The following SCMH1 variants were observed in gnomAD, a reference collection of about 807,000 sequenced individuals.
SCMH1 encodes polycomb protein SCMH1.
SCMH1 carries 37 observed loss-of-function variants against 70.8 expected under a neutral mutation model. The observed-to-expected ratio is 0.52, with a 90% CI of 0.40 to 0.69. The LOEUF (loss-of-function observed/expected upper bound fraction) is 0.69, where lower values mean the gene tolerates loss of function less well. Among genes scored for constraint, SCMH1 ranks in the 30% least tolerant of loss-of-function variants. SCMH1 has a pLI of 0.00. For missense variants in SCMH1, 607 were observed against 827.3 expected, an observed-to-expected ratio of 0.73 and a Z score of 3.27; for synonymous variants, 292 against 307.4, an observed-to-expected ratio of 0.95 and a Z score of 0.52.
intron 1 of SCMH1, among the ~76,000 whole-genome samples, chr1:41,230,008 A>C (rs1392552531): frequency 6.6e-6 from 1 of 152,150 alleles, no homozygotes; most frequent in Non-Finnish European, 1.5e-5. Flanking sequence ...ATGAAATGGG[A>C]GCCAATGTAA....
intron 13 of SCMH1, 151 bp downstream of exon 14, chr1:41,033,832 G>A (rs183644890): frequency 9.7e-6 from 10 of 1,027,360 alleles, no homozygotes; most frequent in Non-Finnish European, 1.4e-5. Flanking sequence ...CTGGCAGACA[G>A]ACTCATGGTG....
chr1:41,160,989 G>C (rs908374698), intron 3 of SCMH1, 91 bp from the exon 4 acceptor site: 15 of 1,266,960 alleles, frequency 1.2e-5, no homozygotes, highest in African/African-American at 3.0e-5. Context: ...ATAGGAAATC[G>C]AGTATTTGTC....
chr1:41,196,850 C>T (rs937740988), intron 1 of SCMH1, among the ~76,000 whole-genome samples: 1 of 152,012 alleles, frequency 6.6e-6, no homozygotes, highest in African/African-American at 2.4e-5. Context: ...AATTCAACAA[C>T]AAGAAGAACT....
At chr1:41,182,829 G>A (rs1206842416) in intron 2 of SCMH1, among the ~76,000 whole-genome samples, 1 of 152,106 alleles carries the variant, frequency 6.6e-6, no homozygotes, top group East Asian at 1.9e-4. Context: ...AGAAACAAAT[G>A]CATTACAAAA....
intron 7 of SCMH1, among the ~76,000 whole-genome samples, chr1:41,114,514 C>G (rs11209553): frequency 6.6e-6 from 1 of 151,996 alleles, no homozygotes; most frequent in African/African-American, 2.4e-5. Context: ...TCAGTTTTTT[C>G]GAGTTCCATA....
chr1:41,143,899 C>T (rs1255112893), intron 5 of SCMH1, among the ~76,000 whole-genome samples: 1 of 152,178 alleles, frequency 6.6e-6, no homozygotes, highest in Non-Finnish European at 1.5e-5. Context: ...TCTGATAATT[C>T]ATCCATATTA....
chr1:41,096,158 C>G (rs1309529661), intron 8 of SCMH1, among the ~76,000 whole-genome samples: 1 of 152,144 alleles, frequency 6.6e-6, no homozygotes, highest in Non-Finnish European at 1.5e-5. Flanking sequence ...AGACACTGAA[C>G]TTTTATGACT....
At chr1:41,034,091 A>C (rs1367809034) in intron 13 of SCMH1, 43 bp from the exon 14 acceptor site, 4 of 1,573,528 alleles carry the variant, frequency 2.5e-6, no homozygotes, top group Non-Finnish European at 3.5e-6. Context: ...CAGTTTGCAC[A>C]TGAGGAACAT....
At chr1:41,223,574 G>C (rs1028036097) in intron 1 of SCMH1, among the ~76,000 whole-genome samples, 1 of 151,584 alleles carries the variant, frequency 6.6e-6, no homozygotes, top group African/African-American at 2.4e-5. Flanking sequence ...ATTTCATTTA[G>C]GGCAGGGACT....
intron 10 of SCMH1, among the ~76,000 whole-genome samples, chr1:41,068,297 G>A (rs1271667144): frequency 1.3e-5 from 2 of 152,276 alleles, no homozygotes; most frequent in Non-Finnish European, 2.9e-5. Flanking sequence ...ATAGGGGTAA[G>A]AACAGAGATA....
At chr1:41,162,295 G>C (rs555675774) in intron 2 of SCMH1, among the ~76,000 whole-genome samples, 122 of 152,290 alleles carry the variant, frequency 8.0e-4, no homozygotes, top group Middle Eastern at 3.4e-3. Context: ...TCAGGGTGGA[G>C]TCTGGATGCT....
At chr1:41,176,610 G>A (rs1220814393) in intron 2 of SCMH1, among the ~76,000 whole-genome samples, 4 of 152,190 alleles carry the variant, frequency 2.6e-5, no homozygotes, top group Non-Finnish European at 2.9e-5. Flanking sequence ...TATATCCCGC[G>A]CCTGGCTCGG....
At chr1:41,233,834 AGAATATAACTTACT>A (rs1288797244) in intron 1 of SCMH1, among the ~76,000 whole-genome samples, 1 of 152,230 alleles carries the variant, frequency 6.6e-6, no homozygotes, top group Non-Finnish European at 1.5e-5. Flanking sequence ...ATAGTGATTC[AGAATATAACTTACT>A]GCACAAGAGC....
At chr1:41,114,347 G>T (rs1483102516) in intron 7 of SCMH1, among the ~76,000 whole-genome samples, 2 of 152,162 alleles carry the variant, frequency 1.3e-5, no homozygotes, top group South Asian at 4.1e-4. Flanking sequence ...CAAAAAATGT[G>T]TTGTACATTC....
chr1:41,159,970 T>C, intron 4 of SCMH1: 1 of 500,214 alleles, frequency 2.0e-6, no homozygotes, highest in Non-Finnish European at 3.1e-6. Context: ...TATCCCCATT[T>C]TACAAATAAG....
At chr1:41,050,378 G>C (rs946857140) in intron 10 of SCMH1, among the ~76,000 whole-genome samples, 1 of 152,186 alleles carries the variant, frequency 6.6e-6, no homozygotes, top group African/African-American at 2.4e-5. Flanking sequence ...GATAAGAGCA[G>C]TAATTGTGTG....
At chr1:41,207,516 T>C (rs1400776052) in intron 1 of SCMH1, among the ~76,000 whole-genome samples, 2 of 152,188 alleles carry the variant, frequency 1.3e-5, no homozygotes, top group African/African-American at 4.8e-5. Flanking sequence ...ATGTATCCAA[T>C]ACAGGAGCAC....
intron 10 of SCMH1, among the ~76,000 whole-genome samples, chr1:41,067,073 A>G (rs950162927): frequency 5.3e-5 from 8 of 152,206 alleles, no homozygotes; most frequent in Admixed American, 5.2e-4. Flanking sequence ...TGAAGCAACC[A>G]ACATTCCCAT....
intron 13 of SCMH1, 147 bp from the exon 15 acceptor site, chr1:41,028,873 G>T: frequency 1.1e-6 from 1 of 875,118 alleles, no homozygotes; most frequent in East Asian, 2.7e-5. Context: ...AGCTGGGGGA[G>T]GGAAGCATTT....
Sources: allele counts gnomAD v4.1 joint callset (sites outside exome capture counted in the v4.1 genomes callset), GRCh38; gene constraint gnomAD v4.1.1; transcripts MANE v1.5; gene names NCBI Gene and HGNC (gene_info 2026-07-23, HGNC 2026-07-21).